Variants in PCDH15 observed in about 807,000 individuals in gnomAD.
The protein encoded by PCDH15 is protocadherin-15.
Under a neutral mutation model 178.5 loss-of-function variants are expected in PCDH15, and 129 were observed. The ratio of observed to expected loss-of-function variants is 0.72; its 90% CI spans 0.63 to 0.84. PCDH15 has a LOEUF of 0.84. PCDH15 is among the 40% of genes least tolerant of loss of function. PCDH15 has a pLI of 0.00. For missense variants in PCDH15, 2,230 were observed against 2,099.9 expected, an observed-to-expected ratio of 1.06 and a Z score of -1.21; for synonymous variants, 800 against 732.0, an observed-to-expected ratio of 1.09 and a Z score of -1.50.
At chr10:54,535,607 G>A (rs1418060680) in intron 2 of PCDH15, among the ~76,000 whole-genome samples, 1 of 151,116 alleles carries the variant, frequency 6.6e-6, no homozygotes, top group East Asian at 2.0e-4. Flanking sequence ...CTATTCGGGA[G>A]GCTGAGGCAG....
chr10:55,501,488 T>C (rs912120389), intron 2 of PCDH15, among the ~76,000 whole-genome samples: 1 of 151,808 alleles, frequency 6.6e-6, no homozygotes, highest in Non-Finnish European at 1.5e-5. Flanking sequence ...TATTTATTAA[T>C]TTTATCTGTA....
At chr10:54,794,020 A>G (rs1212815498) in intron 1 of PCDH15, among the ~76,000 whole-genome samples, 1 of 148,494 alleles carries the variant, frequency 6.7e-6, no homozygotes, top group Non-Finnish European at 1.5e-5. Flanking sequence ...AAAACAATGC[A>G]CAGCTATTTC....
intron 9 of PCDH15, among the ~76,000 whole-genome samples, 172 bp from the exon 10 acceptor site, chr10:54,214,220 T>C (rs1031969560): frequency 2.7e-5 from 4 of 150,558 alleles, no homozygotes; most frequent in Admixed American, 6.7e-5. Context: ...ATATAGTTAT[T>C]AATAATTAGC....
At chr10:55,537,022 T>C (rs527319529) in intron 2 of PCDH15, among the ~76,000 whole-genome samples, 1 of 152,262 alleles carries the variant, frequency 6.6e-6, no homozygotes, top group South Asian at 2.1e-4. Flanking sequence ...GCTTCTCATC[T>C]AGCCCCAAAT....
intron 3 of PCDH15, among the ~76,000 whole-genome samples, chr10:54,815,719 G>T (rs977153427): frequency 1.3e-5 from 2 of 152,020 alleles, no homozygotes; most frequent in African/African-American, 4.8e-5. Context: ...GCCATTACAA[G>T]AAAAAGTGGA....
intron 2 of PCDH15, among the ~76,000 whole-genome samples, chr10:55,068,162 T>C (rs1841616557): frequency 6.6e-6 from 1 of 152,068 alleles, no homozygotes; most frequent in Non-Finnish European, 1.5e-5. Context: ...TTGCCTACTC[T>C]AATGTCCTGA....
At chr10:55,513,058 C>A (rs1362999975) in intron 2 of PCDH15, 1 of 152,090 alleles carries the variant, frequency 6.6e-6, no homozygotes, top group Non-Finnish European at 1.5e-5. Context: ...ATTGACTGAA[C>A]AACCACTGGC....
chr10:54,483,864 G>A (rs748273215), intron 3 of PCDH15, among the ~76,000 whole-genome samples: 1 of 151,776 alleles, frequency 6.6e-6, no homozygotes, highest in Non-Finnish European at 1.5e-5. Context: ...TATTTTGAAT[G>A]TTTTGACAAA....
intron 2 of PCDH15, among the ~76,000 whole-genome samples, chr10:55,139,948 C>G (rs1350580482): frequency 6.6e-6 from 1 of 151,844 alleles, no homozygotes; most frequent in Admixed American, 6.6e-5. Flanking sequence ...TTTCTTCCAT[C>G]AAAATTTCAT....
chr10:53,823,384 T>G, intron 32 of PCDH15: 1 of 1,598,040 alleles, frequency 6.3e-7, no homozygotes, highest in Admixed American at 1.7e-5. Flanking sequence ...GATAATGAAA[T>G]GTAAGGAAAC....
intron 11 of PCDH15, chr10:54,189,283 T>C (rs1591050739): frequency 8.7e-7 from 1 of 1,150,052 alleles, no homozygotes; most frequent in East Asian, 2.6e-5. Flanking sequence ...CTACGTGTTT[T>C]AGTGAAGAAA....
chr10:55,617,124 A>AT (rs1163287624), intron 2 of PCDH15, among the ~76,000 whole-genome samples: 1 of 152,034 alleles, frequency 6.6e-6, no homozygotes, highest in Non-Finnish European at 1.5e-5. Flanking sequence ...AACTTCAGGT[A>AT]TTTTTTGTAA....
intron 1 of PCDH15, among the ~76,000 whole-genome samples, chr10:55,224,826 T>C (rs565999821): frequency 6.6e-6 from 1 of 152,184 alleles, no homozygotes; most frequent in East Asian, 1.9e-4. Flanking sequence ...AGCCACATAC[T>C]TCTTTACCTT....
intron 3 of PCDH15, among the ~76,000 whole-genome samples, chr10:54,824,803 G>A (rs1455333835): frequency 6.6e-6 from 1 of 152,012 alleles, no homozygotes; most frequent in Non-Finnish European, 1.5e-5. Context: ...TTACCCTCAA[G>A]ATGGGAAAAT....
intron 3 of PCDH15, among the ~76,000 whole-genome samples, chr10:54,401,530 A>G (rs1258667475): frequency 6.6e-6 from 1 of 151,876 alleles, no homozygotes; most frequent in Admixed American, 6.6e-5. Context: ...GGATCAAGAA[A>G]CACCAAATAC....
intron 13 of PCDH15, among the ~76,000 whole-genome samples, chr10:54,179,459 A>G (rs367854535): frequency 6.6e-6 from 1 of 151,714 alleles, no homozygotes; most frequent in East Asian, 1.9e-4. Flanking sequence ...TAGGAGATAT[A>G]CCTAATGCTA....
At chr10:55,371,944 T>C (rs1845517490) in intron 2 of PCDH15, among the ~76,000 whole-genome samples, 1 of 152,158 alleles carries the variant, frequency 6.6e-6, no homozygotes, top group Admixed American at 6.6e-5. Context: ...TTAAGATTTT[T>C]TAAAGTCCAA....
chr10:54,129,005 G>T (rs1017129937), intron 15 of PCDH15, among the ~76,000 whole-genome samples: 2 of 152,108 alleles, frequency 1.3e-5, no homozygotes, highest in East Asian at 1.9e-4. Context: ...TAATCTAAAA[G>T]AATGTGATGT....
chr10:54,599,803 G>A (rs2092439639), intron 2 of PCDH15: 1 of 570,548 alleles, frequency 1.8e-6, no homozygotes, highest in Non-Finnish European at 3.3e-6. Context: ...ATCTGAGAAG[G>A]AAGCCTCTAG....
Sources: gnomAD v4.1 joint callset for allele counts (sites outside exome capture counted in the v4.1 genomes callset) on GRCh38, gnomAD v4.1.1 for gene constraint, MANE v1.5 for transcripts, NCBI Gene and HGNC (gene_info 2026-07-23, HGNC 2026-07-21) for gene names.